The following PREPL variants were observed in gnomAD, a reference collection of about 807,000 sequenced individuals.
The protein encoded by PREPL is prolyl endopeptidase-like.
In PREPL, 77 loss-of-function variants were observed where a neutral mutation model predicts 70.6. That is an observed-to-expected ratio of 1.09 (90% CI 0.91 to 1.32). The LOEUF (loss-of-function observed/expected upper bound fraction) is 1.32, where lower values mean the gene tolerates loss of function less well. PREPL is among the 40% of genes most tolerant of loss of function. The pLI is 0.00. For synonymous variants in PREPL, 315 were observed against 264.8 expected (o/e 1.19, Z -1.84); for missense variants, 1,002 against 778.2 (o/e 1.29, Z -3.42).
rs529406424 is a variant in PREPL at position 44,358,160 on chromosome 2, T to C, written c.-49+3220A>G. On this transcript the variant is annotated intron_variant, in intron 1 of 13. Transcript: ENST00000409411. ...TGAGAAGAATCTGCCCAAGTGTCCA[T>C]CAATTACAGGAATGGATAAACAAAA... is the stretch of plus-strand genomic sequence containing the variant. Among the ~76,000 whole-genome samples the C allele has an allele frequency of 1.2e-4, 19 of 152,222 alleles. No homozygotes were observed. In the South Asian group the frequency reaches 3.9e-3, roughly 32 times the overall value.
chr2:44,355,329 C>A (rs976130115), intron 1 of PREPL, among the ~76,000 whole-genome samples: 3 of 152,182 alleles, frequency 2.0e-5, no homozygotes, highest in Non-Finnish European at 4.4e-5. Flanking sequence ...AGGTGGATTG[C>A]TTGAGGCTGG....
intron 1 of PREPL, chr2:44,359,610 G>C: frequency 6.2e-7 from 1 of 1,610,788 alleles, no homozygotes; most frequent in South Asian, 1.1e-5. Context: ...TTGTAACAAT[G>C]ATCAGCGAAG....
intron 7 of PREPL, among the ~76,000 whole-genome samples, chr2:44,335,963 T>G (rs1674597117): frequency 6.6e-6 from 1 of 151,708 alleles, no homozygotes. Flanking sequence ...ATGCTCAACA[T>G]CACTAACCAT....
Position 44,318,377 on chromosome 2 carries a change from C to T in PREPL, c.*2979G>A, listed in dbSNP as rs1572824952. On this transcript the variant is annotated 3_prime_UTR_variant, in exon 14 of 14. Coordinates refer to ENST00000409411, the MANE Select transcript of PREPL (RefSeq NM_001171613.2). ...AAGTGCTAGGATTACGGGCCTGAGC[C>T]ACCTTGCCTGGCCTGCAAAATTTGT... The T allele has an allele frequency of 5.5e-6, 1 of 183,102 alleles. No homozygotes were observed. Among genetic ancestry groups the T allele is most frequent in the African/African-American group, 2.4e-5 (1 of 41,656 alleles). The allele number at this position is 183,102 out of a possible 1,614,324, so 11.3% of individuals were successfully genotyped here.
At chr2:44,344,045 C>G (rs1274074042) in intron 3 of PREPL, 94 bp from the exon 4 acceptor site, 11 of 1,395,916 alleles carry the variant, frequency 7.9e-6, no homozygotes, top group Non-Finnish European at 1.0e-5. Flanking sequence ...AATTCCCATT[C>G]TGTAAGAGGC....
chr2:44,355,024 A>G (rs1352314813), intron 1 of PREPL, among the ~76,000 whole-genome samples: 1 of 152,202 alleles, frequency 6.6e-6, no homozygotes. Context: ...TTTACAGGGG[A>G]ACAACACTCT....
intron 2 of PREPL, 140 bp from the exon 3 acceptor site, chr2:44,344,726 T>C (rs1675600819): frequency 3.6e-6 from 2 of 561,604 alleles, no homozygotes; most frequent in East Asian, 3.2e-5. Context: ...ATATGAAATA[T>C]AAAATTGACC....
chr2:44,328,157 G>C (rs1005251595), intron 9 of PREPL, among the ~76,000 whole-genome samples: 1 of 151,102 alleles, frequency 6.6e-6, no homozygotes. Context: ...GTTATGGCAG[G>C]CACCTGTAAT....
chr2:44,322,968 T>C, intron 11 of PREPL, 114 bp from the exon 12 acceptor site: 2 of 1,381,292 alleles, frequency 1.4e-6, no homozygotes, highest in Admixed American at 4.5e-5. Context: ...CTCTATGCTT[T>C]TTCTCACTTG....
chr2:44,334,499 T>C (rs1341031131), intron 7 of PREPL, among the ~76,000 whole-genome samples: 1 of 152,142 alleles, frequency 6.6e-6, no homozygotes, highest in Non-Finnish European at 1.5e-5. Context: ...TGACCAAGGA[T>C]ACGAGGCAAA....
Position 44,346,272 on chromosome 2 carries a change from A to T in PREPL, c.71T>A (p.Val24Glu). The T allele has an allele frequency of 6.2e-7, 1 of 1,610,262 alleles. No homozygotes were observed. ...TAAAGACATGAGATATCTTACTTCC[A>T]CATTGATGATTTCATATTCTTCTTG... ...QPQEEYEIIN[V>E]EVKHGGFVYY... Residue 24 changes from valine to glutamate, a missense_variant, in exon 2 of 14, where the codon GTG becomes GAG. Val to Glu is a moderately radical substitution (Grantham distance 121). Coordinates refer to ENST00000409411, the MANE Select transcript of PREPL (RefSeq NM_001171613.2).
At chr2:44,359,758 C>T (rs1284455387) in intron 1 of PREPL, 1 of 1,366,800 alleles carries the variant, frequency 7.3e-7, no homozygotes, top group East Asian at 2.3e-5. Flanking sequence ...GGGCTGCCAG[C>T]ACACGAATGA....
chr2:44,323,210 T>C (rs2103693479), intron 11 of PREPL, 52 bp downstream of exon 11: 5 of 1,480,620 alleles, frequency 3.4e-6, no homozygotes, highest in Non-Finnish European at 4.5e-6. Flanking sequence ...GTTTTTTTTT[T>C]ATTATCTTCT....
At chr2:44,359,827 C>A in intron 1 of PREPL, 1 of 718,042 alleles carries the variant, frequency 1.4e-6, no homozygotes, top group South Asian at 1.8e-5. Context: ...CAGCAGTTCT[C>A]ATCCCTCCTT....
chr2:44,325,151 T>G (rs970135376), intron 10 of PREPL, among the ~76,000 whole-genome samples: 1 of 152,234 alleles, frequency 6.6e-6, no homozygotes, highest in African/African-American at 2.4e-5. Flanking sequence ...AGTGCTAGAC[T>G]TCTCTTTCCC....
rs755665772 is a variant in PREPL at position 44,326,844 on chromosome 2, G to A, written c.1347C>T (p.Cys449=). 1 of 1,614,158 alleles carries A rather than the reference G, an allele frequency of 6.2e-7. No individual in the cohort carries two copies. The change falls in exon 10 of 14, where the codon TGC becomes TGT. Residue 449 remains cysteine, a synonymous_variant. Transcript: ENST00000409411. ...KLNGLADLEA[C]IKTLHGQGFS... ...AGCCTTGGCCATGAAGCGTCTTAAT[G>A]CAAGCCTCTAAATCAGCAAGGCCAT...
At chr2:44,347,978 T>C (rs1296033135) in intron 1 of PREPL, among the ~76,000 whole-genome samples, 1 of 152,206 alleles carries the variant, frequency 6.6e-6, no homozygotes, top group Non-Finnish European at 1.5e-5. Context: ...CACATTATTA[T>C]TTGAATTAGA....
intron 8 of PREPL, among the ~76,000 whole-genome samples, chr2:44,331,608 T>C (rs1489618852): frequency 2.0e-5 from 3 of 152,282 alleles, no homozygotes; most frequent in East Asian, 1.9e-4. Flanking sequence ...ATCATCCTAG[T>C]GGTCTTACCT....
rs1176913177 is a variant in PREPL at position 44,355,778 on chromosome 2, TAC to T, written c.-49+5600_-49+5601del. Reference sequence around the variant, plus strand: ...ATATATATATATATATATATATATATACACACACACACACATATGAATATGAG... The same window carrying T: ...ATATATATATATATATATATATATATACACACACACACATATGAATATGAG... On this transcript the variant is annotated intron_variant, in intron 1 of 13. Transcript: ENST00000409411. Among the ~76,000 whole-genome samples the T allele has an allele frequency of 6.0e-3, 277 of 46,512 alleles. 3 individuals carry two copies. The highest frequency in any genetic ancestry group is 0.021 in the South Asian group (16 of 752). 30.5% of individuals were successfully genotyped at this position (46,512 alleles called of 152,430 possible).
Sources: gnomAD v4.1 joint callset for allele counts (sites outside exome capture counted in the v4.1 genomes callset) on GRCh38, gnomAD v4.1.1 for gene constraint, MANE v1.5 for transcripts, NCBI Gene and HGNC (gene_info 2026-07-23, HGNC 2026-07-21) for gene names.